SLC5A4: variants seen among roughly 807,000 people sequenced by gnomAD.
SLC5A4 encodes the protein solute carrier family 5 member 4.
In SLC5A4, 55 loss-of-function variants were observed where a neutral mutation model predicts 70.3. That is an observed-to-expected ratio of 0.78 (90% CI 0.63 to 0.98). SLC5A4 has a LOEUF of 0.98. SLC5A4 is among the 50% of genes least tolerant of loss of function. The pLI is 0.00. For missense variants in SLC5A4, 735 were observed against 839.2 expected (o/e 0.88, Z 1.53); for synonymous variants, 268 against 305.7 (o/e 0.88, Z 1.29).
At chr22:32,229,067 C>T in intron 11 of SLC5A4, 127 bp downstream of exon 11, 1 of 810,810 alleles carries the variant, frequency 1.2e-6, no homozygotes, top group Non-Finnish European at 1.9e-6. Flanking sequence ...TGATGTACTC[C>T]AATGTCTCTT....
At chr22:32,338,767 G>A in the SLC5A4 span, among the ~76,000 whole-genome samples, 1 of 152,148 alleles carries the variant, frequency 6.6e-6, no homozygotes, top group East Asian at 1.9e-4. Flanking sequence ...CAGCCCTTTG[G>A]GAATGAGGCT....
chr22:32,266,849 GA>G, the SLC5A4 span, among the ~76,000 whole-genome samples: 1 of 152,138 alleles, frequency 6.6e-6, no homozygotes, highest in Non-Finnish European at 1.5e-5. Flanking sequence ...TCATAATGCA[GA>G]AAAAATATTT....
chr22:32,285,538 A>C, the SLC5A4 span, among the ~76,000 whole-genome samples: 2 of 152,062 alleles, frequency 1.3e-5, no homozygotes, highest in Admixed American at 1.3e-4. Flanking sequence ...GTCATACAAA[A>C]ATTAATTTTT....
chr22:32,259,382 T>C (rs779419058), upstream of SLC5A4, among the ~76,000 whole-genome samples: 2 of 152,210 alleles, frequency 1.3e-5, no homozygotes, highest in Non-Finnish European at 2.9e-5. Context: ...TTTATTATAT[T>C]GAAGGATTTT....
the SLC5A4 span, among the ~76,000 whole-genome samples, chr22:32,310,453 G>C: frequency 6.6e-5 from 10 of 152,208 alleles, no homozygotes; most frequent in Non-Finnish European, 1.3e-4. Flanking sequence ...GGACACAGCT[G>C]TGGCTGCCCC....
At chr22:32,339,784 A>G in the SLC5A4 span, among the ~76,000 whole-genome samples, 1 of 152,232 alleles carries the variant, frequency 6.6e-6, no homozygotes, top group East Asian at 1.9e-4. Context: ...CCTGCCTGGT[A>G]GCCCACGAAG....
chr22:32,259,413 G>GT (rs1276150910), upstream of SLC5A4, among the ~76,000 whole-genome samples: 1 of 152,106 alleles, frequency 6.6e-6, no homozygotes, highest in East Asian at 1.9e-4. Context: ...CATGTTGATT[G>GT]TTTTTTATCC....
At chr22:32,305,060 T>C in the SLC5A4 span, among the ~76,000 whole-genome samples, 1 of 152,216 alleles carries the variant, frequency 6.6e-6, no homozygotes. Flanking sequence ...TTCTGGGCTA[T>C]ATATTCTGTT....
intron 13 of SLC5A4, among the ~76,000 whole-genome samples, chr22:32,223,332 A>T (rs1303734748): frequency 2.6e-5 from 4 of 152,218 alleles, no homozygotes; most frequent in African/African-American, 9.6e-5. Context: ...TTTCATAAGT[A>T]TTCATAAGTA....
At chr22:32,304,716 A>G in the SLC5A4 span, among the ~76,000 whole-genome samples, 1 of 152,224 alleles carries the variant, frequency 6.6e-6, no homozygotes, top group Admixed American at 6.5e-5. Context: ...TTCACAGAGC[A>G]GAAATGTTTA....
At chr22:32,320,498 G>A in the SLC5A4 span, among the ~76,000 whole-genome samples, 1 of 152,184 alleles carries the variant, frequency 6.6e-6, no homozygotes, top group African/African-American at 2.4e-5. Flanking sequence ...AACAGCTCCT[G>A]CACAATGGAG....
the SLC5A4 span, among the ~76,000 whole-genome samples, chr22:32,340,832 C>A: frequency 2.0e-5 from 3 of 152,146 alleles, no homozygotes; most frequent in African/African-American, 7.2e-5. Context: ...CAAAGGAGAC[C>A]ATCGGCACGT....
At chr22:32,330,780 C>G in the SLC5A4 span, among the ~76,000 whole-genome samples, 1 of 44,904 alleles carries the variant, frequency 2.2e-5, no homozygotes, top group East Asian at 6.0e-4. Flanking sequence ...GTTGGGGGCT[C>G]TGGTGTGTGT....
the SLC5A4 span, among the ~76,000 whole-genome samples, chr22:32,333,197 C>CCG: frequency 1.4e-3 from 86 of 62,760 alleles, 1 homozygote; most frequent in South Asian, 3.2e-3. Flanking sequence ...AGCACTGGCA[C>CCG]CCCCCCCCCA....
At chr22:32,248,431 G>A (rs1456545246) in intron 4 of SLC5A4, among the ~76,000 whole-genome samples, 2 of 152,156 alleles carry the variant, frequency 1.3e-5, no homozygotes, top group African/African-American at 4.8e-5. Context: ...CCTGGACAAT[G>A]AGAAGCCAGA....
At chr22:32,336,691 C>G in the SLC5A4 span, among the ~76,000 whole-genome samples, 2 of 152,234 alleles carry the variant, frequency 1.3e-5, no homozygotes, top group Admixed American at 1.3e-4. Context: ...CTAGTTCATT[C>G]TAGAAGTGCC....
chr22:32,331,565 C>A, the SLC5A4 span, among the ~76,000 whole-genome samples: 1 of 152,132 alleles, frequency 6.6e-6, no homozygotes, highest in Admixed American at 6.5e-5. Flanking sequence ...GGCGGGCAAC[C>A]CAGCTATAGT....
At chr22:32,293,706 T>A in the SLC5A4 span, among the ~76,000 whole-genome samples, 1 of 152,178 alleles carries the variant, frequency 6.6e-6, no homozygotes, top group South Asian at 2.1e-4. Flanking sequence ...TTGCTCTTTA[T>A]TCCTTTCTGT....
At chr22:32,353,726 A>G in the SLC5A4 span, among the ~76,000 whole-genome samples, 2 of 151,378 alleles carry the variant, frequency 1.3e-5, no homozygotes, top group African/African-American at 4.9e-5. Flanking sequence ...GCAGCACCCA[A>G]TGGCGCCCAG....
Sources: gnomAD v4.1 joint callset for allele counts (sites outside exome capture counted in the v4.1 genomes callset) on GRCh38, gnomAD v4.1.1 for gene constraint, MANE v1.5 for transcripts, NCBI Gene and HGNC (gene_info 2026-07-23, HGNC 2026-07-21) for gene names.